The following TXNRD1 variants were observed in gnomAD, a reference collection of about 807,000 sequenced individuals.
TXNRD1 encodes thioredoxin reductase 1, also known as thioredoxin reductase 1, cytoplasmic.
A neutral mutation model predicts 80.3 loss-of-function variants in TXNRD1; 57 were observed. That is an observed-to-expected ratio of 0.71 (90% CI 0.57 to 0.89). The LOEUF (loss-of-function observed/expected upper bound fraction) is 0.89. Ranked by LOEUF, TXNRD1 falls within the 40% of genes least tolerant of loss-of-function variation. The pLI is 0.00. For synonymous variants in TXNRD1, 291 were observed against 285.2 expected, an observed-to-expected ratio of 1.02 and a Z score of -0.20; for missense variants, 730 against 803.0, an observed-to-expected ratio of 0.91 and a Z score of 1.10.
At chr12:104,268,832 T>C (rs1305595334) in intron 3 of TXNRD1, among the ~76,000 whole-genome samples, 1 of 151,852 alleles carries the variant, frequency 6.6e-6, no homozygotes, top group Admixed American at 6.6e-5. Flanking sequence ...TAGAGCTTCT[T>C]TCAAAACTGG....
chr12:104,279,109 A>G (rs756265886), intron 3 of TXNRD1, among the ~76,000 whole-genome samples: 9 of 152,156 alleles, frequency 5.9e-5, no homozygotes, highest in South Asian at 2.1e-4. Flanking sequence ...TCACATCCAC[A>G]CCTGTACTAG....
At chr12:104,302,768 C>A (rs1224859084) in intron 4 of TXNRD1, among the ~76,000 whole-genome samples, 8 of 152,152 alleles carry the variant, frequency 5.3e-5, no homozygotes, top group Non-Finnish European at 1.2e-4. Flanking sequence ...GGATTGCAGG[C>A]GTGAGCCACC....
chr12:104,342,920 G>A (rs10861203), intron 16 of TXNRD1, among the ~76,000 whole-genome samples: 34,096 of 152,098 alleles, frequency 0.22, 3,938 homozygotes, highest in Middle Eastern at 0.29. Flanking sequence ...AGTGGCCGGA[G>A]GTGTGGCAGT....
At chr12:104,277,694 C>G (rs531361066) in intron 3 of TXNRD1, among the ~76,000 whole-genome samples, 1 of 151,598 alleles carries the variant, frequency 6.6e-6, no homozygotes, top group African/African-American at 2.4e-5. Context: ...AGAAGGTTAC[C>G]GGGGTTTTTT....
At chr12:104,325,559 T>G (rs1259436024) in intron 11 of TXNRD1, 130 bp downstream of exon 11, 1 of 685,774 alleles carries the variant, frequency 1.5e-6, no homozygotes, top group Non-Finnish European at 2.5e-6. Context: ...CTTAGACATC[T>G]CAATAACTTA....
intron 12 of TXNRD1, 112 bp downstream of exon 12, chr12:104,326,535 G>T: frequency 1.6e-6 from 1 of 616,206 alleles, no homozygotes; most frequent in Admixed American, 3.7e-5. Context: ...GCACGATCTC[G>T]GCTCACTGCA....
intron 4 of TXNRD1, among the ~76,000 whole-genome samples, chr12:104,294,027 T>C (rs1412829616): frequency 1.3e-5 from 2 of 152,142 alleles, no homozygotes; most frequent in African/African-American, 2.4e-5. Flanking sequence ...ACTATTAGTA[T>C]TTTCACTAAT....
In TXNRD1 at chr12:104,294,239, C is replaced by CA. The variant is rs1051909092; in HGVS notation, c.414+5199_414+5200insA. Reference sequence around the variant, plus strand: ...TAAACTCCCCCGGGGAAAGGCCCCCCCCCCCGCCGCCGGCTTTCCCGGTCT... The same window carrying CA: ...TAAACTCCCCCGGGGAAAGGCCCCCCACCCCCGCCGCCGGCTTTCCCGGTCT... On this transcript the variant is annotated intron_variant, in intron 4 of 16. Transcript: ENST00000525566. Among the ~76,000 whole-genome samples, 2 of 123,034 alleles carry CA rather than the reference C, an allele frequency of 1.6e-5. 1 individual carries two copies. Among genetic ancestry groups the CA allele is most frequent in the Non-Finnish European group, 3.6e-5 (2 of 56,040 alleles). The allele number at this position is 123,034 out of a possible 152,430, so 80.7% of individuals were successfully genotyped here.
At chr12:104,288,779 A>G in intron 3 of TXNRD1, 152 bp from the exon 4 acceptor site, 1 of 1,543,152 alleles carries the variant, frequency 6.5e-7, no homozygotes, top group Non-Finnish European at 8.8e-7. Context: ...CTTTGTCAGA[A>G]ATGCAGCAAG....
intron 1 of TXNRD1, among the ~76,000 whole-genome samples, chr12:104,244,239 G>T (rs1273256159): frequency 3.3e-5 from 5 of 152,200 alleles, no homozygotes; most frequent in Admixed American, 3.3e-4. Flanking sequence ...AGTGGTTTTG[G>T]CAGGTACAAA....
At chr12:104,336,229 C>G (rs2036137563) in intron 15 of TXNRD1, among the ~76,000 whole-genome samples, 1 of 152,180 alleles carries the variant, frequency 6.6e-6, no homozygotes, top group Non-Finnish European at 1.5e-5. Flanking sequence ...GTATTTTGCT[C>G]TTTTTTCAAT....
chr12:104,235,044 A>T (rs181579520), intron 1 of TXNRD1, among the ~76,000 whole-genome samples: 113 of 152,298 alleles, frequency 7.4e-4, no homozygotes, highest in African/African-American at 2.7e-3. Flanking sequence ...AAGGTGTTGG[A>T]TATAAGAGCT....
chr12:104,326,460 A>ATTTTTTTTTTTTTTTTTTTT, intron 12 of TXNRD1, 37 bp downstream of exon 12: 1 of 539,390 alleles, frequency 1.9e-6, no homozygotes, highest in Non-Finnish European at 2.7e-6. Context: ...TATTTGTGGG[A>ATTTTTTTTTTTTTTTTTTTT]TTTTTTTTTT....
chr12:104,265,670 C>T lies in TXNRD1; in HGVS notation c.304+7591C>T. On this transcript the variant is annotated intron_variant, in intron 3 of 16. Transcript: ENST00000525566. ...ATGGGTGCCCGGCACCGCGCCCGAG[C>T]CCACTCCATTCAGATCATGAAGGTG... The T allele has an allele frequency of 3.7e-6, 6 of 1,605,320 alleles. No individual in the cohort carries two copies. The South Asian group carries it at 5.5e-5, about 15-fold the overall frequency.
intron 3 of TXNRD1, chr12:104,287,485 T>C: frequency 6.2e-7 from 1 of 1,607,974 alleles, no homozygotes; most frequent in Non-Finnish European, 8.5e-7. Context: ...TGACAATGTG[T>C]TGAGTGGACT....
chr12:104,333,314 T>A (rs529745818), intron 14 of TXNRD1, among the ~76,000 whole-genome samples: 5 of 152,158 alleles, frequency 3.3e-5, no homozygotes, highest in African/African-American at 1.2e-4. Context: ...ATAGACAATA[T>A]TTAAGTTTTT....
chr12:104,254,644 A>AAAAAAAAAAAAAAAAATATAT, intron 2 of TXNRD1, among the ~76,000 whole-genome samples: 127 of 93,574 alleles, frequency 1.4e-3, no homozygotes, highest in Non-Finnish European at 2.0e-3. Flanking sequence ...AAAAAAAAAA[A>AAAAAAAAAAAAAAAAATATAT]ATATATATAT....
rs2036448924 is a variant in TXNRD1 at position 104,345,096 on chromosome 12, A to G, written c.1882-3257A>G. 2.6e-5 allele frequency among the ~76,000 whole-genome samples: 4 copies of G among 152,222 alleles called. No homozygotes were observed. In the South Asian group the frequency reaches 8.3e-4, roughly 31 times the overall value. Reference sequence around the variant, plus strand: ...TATTAGTCCATAATGATAGAAGGCTAGAAACGAAGAAGAAAGTTTAGAAAT... The same window carrying G: ...TATTAGTCCATAATGATAGAAGGCTGGAAACGAAGAAGAAAGTTTAGAAAT... On this transcript the variant is annotated intron_variant, in intron 16 of 16. Transcript: ENST00000525566.
In TXNRD1 at chr12:104,302,486, C is replaced by T. The variant is rs1457578089; in HGVS notation, c.415-8804C>T. On this transcript the variant is annotated intron_variant, in intron 4 of 16. Transcript: ENST00000525566. The stretch of plus-strand genomic sequence containing the variant: ...TTTAAAAACCAGATGTATTCATTCC[C>T]TTTTTTTTTTTTTTTTTTTTTGAGA... 9.4e-4 allele frequency among the ~76,000 whole-genome samples: 72 copies of T among 76,238 alleles called. 1 individual carries two copies. The highest frequency in any genetic ancestry group is 3.4e-3 in the African/African-American group (59 of 17,286). 50.0% of individuals were successfully genotyped at this position (76,238 alleles called of 152,430 possible).
Sources: allele counts gnomAD v4.1 joint callset (sites outside exome capture counted in the v4.1 genomes callset), GRCh38; gene constraint gnomAD v4.1.1; transcripts MANE v1.5; gene names NCBI Gene and HGNC (gene_info 2026-07-23, HGNC 2026-07-21).